The following TRIM71 variants were observed in gnomAD, a reference collection of about 807,000 sequenced individuals.
The protein encoded by TRIM71 is E3 ubiquitin-protein ligase TRIM71.
TRIM71 carries 9 observed loss-of-function variants against 61.2 expected under a neutral mutation model. The ratio of observed to expected loss-of-function variants is 0.15; its 90% CI spans 0.09 to 0.26. The LOEUF (loss-of-function observed/expected upper bound fraction) is 0.26, where lower values mean the gene tolerates loss of function less well. TRIM71 is among the 10% of genes least tolerant of loss of function. TRIM71 has a pLI of 1.00. For missense variants in TRIM71, 998 were observed against 1,238.7 expected, an observed-to-expected ratio of 0.81 and a Z score of 2.92; for synonymous variants, 645 against 553.2, an observed-to-expected ratio of 1.17 and a Z score of -2.33.
chr3:32,867,015 T>TG (rs1041364447), intron 1 of TRIM71, among the ~76,000 whole-genome samples: 1 of 152,202 alleles, frequency 6.6e-6, no homozygotes, highest in African/African-American at 2.4e-5. Context: ...TACCAGCAGT[T>TG]GCGATGAGTT....
intron 1 of TRIM71, among the ~76,000 whole-genome samples, chr3:32,827,753 T>G (rs1696221144): frequency 6.6e-6 from 1 of 152,204 alleles, no homozygotes; most frequent in African/African-American, 2.4e-5. Flanking sequence ...GGCCCTTGAA[T>G]GGACCTTGGA....
At chr3:32,845,941 G>A (rs553354651) in intron 1 of TRIM71, among the ~76,000 whole-genome samples, 12 of 151,914 alleles carry the variant, frequency 7.9e-5, no homozygotes, top group African/African-American at 2.2e-4. Flanking sequence ...GGCTGGTCTC[G>A]ATCTCCTGAC....
intron 1 of TRIM71, among the ~76,000 whole-genome samples, chr3:32,852,797 T>G (rs1247136834): frequency 1.3e-5 from 2 of 151,722 alleles, no homozygotes; most frequent in African/African-American, 4.8e-5. Context: ...TTATCTGGTA[T>G]TTAGTATAAG....
chr3:32,880,765 G>T (rs1696899918), intron 2 of TRIM71, among the ~76,000 whole-genome samples: 1 of 152,048 alleles, frequency 6.6e-6, no homozygotes, highest in Non-Finnish European at 1.5e-5. Context: ...TGACATTTTG[G>T]TCATGTATGT....
At chr3:32,877,441 C>T (rs925137967) in intron 2 of TRIM71, among the ~76,000 whole-genome samples, 2 of 151,876 alleles carry the variant, frequency 1.3e-5, no homozygotes, top group African/African-American at 4.8e-5. Flanking sequence ...TCTCAAACTC[C>T]TGGGCTTTTA....
chr3:32,826,437 CACAA>C (rs375102314), intron 1 of TRIM71, among the ~76,000 whole-genome samples: 64 of 152,254 alleles, frequency 4.2e-4, no homozygotes, highest in Middle Eastern at 3.4e-3. Context: ...GACTATGTCT[CACAA>C]ACAAACTCCC....
intron 1 of TRIM71, among the ~76,000 whole-genome samples, chr3:32,855,543 G>A (rs1257357952): frequency 6.6e-6 from 1 of 152,168 alleles, no homozygotes; most frequent in African/African-American, 2.4e-5. Flanking sequence ...CTCTTTTGCT[G>A]CTACATGGGG....
chr3:32,822,314 GA>G (rs1696143963), intron 1 of TRIM71, among the ~76,000 whole-genome samples: 1 of 152,088 alleles, frequency 6.6e-6, no homozygotes, highest in Non-Finnish European at 1.5e-5. Flanking sequence ...AGTCTGGTTG[GA>G]AAAAGGGGTG....
chr3:32,828,059 GA>G (rs1223390510), intron 1 of TRIM71, among the ~76,000 whole-genome samples: 2 of 152,116 alleles, frequency 1.3e-5, no homozygotes, highest in African/African-American at 4.8e-5. Flanking sequence ...TGGTGTTTTA[GA>G]AATGAGAATT....
intron 2 of TRIM71, among the ~76,000 whole-genome samples, chr3:32,874,975 C>T (rs1424222342): frequency 6.6e-6 from 1 of 152,098 alleles, no homozygotes; most frequent in South Asian, 2.1e-4. Flanking sequence ...CGCCCGCTGC[C>T]ATTCCCAGCT....
chr3:32,859,250 G>A (rs926741293), intron 1 of TRIM71, among the ~76,000 whole-genome samples: 8 of 152,198 alleles, frequency 5.3e-5, no homozygotes, highest in Non-Finnish European at 8.8e-5. Flanking sequence ...GAGTGGTACC[G>A]CGATTTTAGG....
Position 32,891,249 on chromosome 3 carries a change from T to A in TRIM71, c.2045T>A (p.Phe682Tyr), listed in dbSNP as rs1345233826. Reference sequence around the variant, plus strand: ...AATCATCGCATCCAGATCTTCACGTTCGAGGGCCAGTTCCTCCTCAAGTTT... The same window carrying A: ...AATCATCGCATCCAGATCTTCACGTACGAGGGCCAGTTCCTCCTCAAGTTT... Reference protein sequence around the residue: ...KDNHRIQIFTFEGQFLLKFGE... With the variant: ...KDNHRIQIFTYEGQFLLKFGE... Residue 682 changes from phenylalanine to tyrosine, a missense_variant, in exon 4 of 4, where the codon TTC becomes TAC. Coordinates refer to ENST00000383763, the MANE Select transcript of TRIM71 (RefSeq NM_001039111.3). This position sits in a 1 kb window ranked among gnomAD's most constrained non-coding sequence, Gnocchi z 8.2. 1.2e-6 allele frequency: 2 copies of A among 1,613,388 alleles called. No homozygotes were observed. The highest frequency in any genetic ancestry group is 1.7e-6 in the Non-Finnish European group (2 of 1,179,626).
chr3:32,891,112 C>T lies in TRIM71; in HGVS notation c.1908C>T (p.Cys636=), dbSNP rs375765372. 4.5e-5 allele frequency: 72 copies of T among 1,611,434 alleles called. 1 individual carries two copies. The South Asian group carries it at 4.6e-4, about 10-fold the overall frequency. The change falls in exon 4 of 4, where the codon TGC becomes TGT. Residue 636 remains cysteine (C), a synonymous_variant. Transcript: ENST00000383763. This position sits in a 1 kb window ranked among gnomAD's most constrained non-coding sequence, Gnocchi z 8.2. ...SNNRIQVFKP[C]GAFHHKFGTL... is the part of the protein sequence containing the mutation. ...ACCGCATCCAGGTGTTCAAGCCCTG[C>T]GGCGCCTTCCACCACAAATTCGGCA...
At chr3:32,841,043 G>A (rs997344961) in intron 1 of TRIM71, among the ~76,000 whole-genome samples, 9 of 151,118 alleles carry the variant, frequency 6.0e-5, no homozygotes, top group African/African-American at 1.9e-4. Context: ...TCAGGAGATC[G>A]AGACCATCCT....
intron 3 of TRIM71, among the ~76,000 whole-genome samples, chr3:32,887,239 A>T (rs1696971409): frequency 6.6e-6 from 1 of 152,094 alleles, no homozygotes; most frequent in Non-Finnish European, 1.5e-5. Context: ...CCCTCCTGTG[A>T]GGCTGACCCA....
At chr3:32,844,504 C>T (rs527499812) in intron 1 of TRIM71, among the ~76,000 whole-genome samples, 3 of 152,282 alleles carry the variant, frequency 2.0e-5, no homozygotes, top group South Asian at 2.1e-4. Context: ...TCAAGCAATC[C>T]TTCTGCCTCA....
In TRIM71 at chr3:32,879,696, A is replaced by T. The variant is rs181215350; in HGVS notation, c.1020+5711A>T. Among the ~76,000 whole-genome samples, 60 of 149,464 alleles carry T rather than the reference A, an allele frequency of 4.0e-4. 1 individual carries two copies. The highest frequency in any genetic ancestry group is 3.6e-3 in the Admixed American group (54 of 14,950). ...TTAAAAAAAAAAAAAAAACTGGCTG[A>T]GTACTGTAGCTCAAAACTGTAACAT... is the stretch of plus-strand genomic sequence containing the variant. On this transcript the variant is annotated intron_variant, in intron 2 of 3. Coordinates refer to ENST00000383763, the MANE Select transcript of TRIM71 (RefSeq NM_001039111.3).
At position 32,872,300 on chromosome 3, in the gene TRIM71, A is replaced by G. The variant is rs1405150181; in HGVS notation, c.853-1518A>G. Among the ~76,000 whole-genome samples the G allele has an allele frequency of 2.6e-5, 4 of 152,306 alleles. No homozygotes were observed. In the East Asian group the frequency reaches 7.7e-4, roughly 29 times the overall value. On this transcript the variant is annotated intron_variant, in intron 1 of 3. Transcript: ENST00000383763. ...CTAGAGAACCAGTTTAACCCATCCTAGATTACACACTTCCCTATTAACTCA... is the reference window on the plus strand; with the variant it reads ...CTAGAGAACCAGTTTAACCCATCCTGGATTACACACTTCCCTATTAACTCA...
chr3:32,821,438 C>T (rs1203891080), intron 1 of TRIM71, among the ~76,000 whole-genome samples: 1 of 151,586 alleles, frequency 6.6e-6, no homozygotes, highest in East Asian at 1.9e-4. Flanking sequence ...CAGGGTCTCT[C>T]GCCCAGGGGG....
Sources: gnomAD v4.1 joint callset for allele counts (sites outside exome capture counted in the v4.1 genomes callset) on GRCh38, gnomAD v4.1.1 for gene constraint, Gnocchi (gnomAD v3.1) non-coding constraint, MANE v1.5 for transcripts, NCBI Gene and HGNC (gene_info 2026-07-23, HGNC 2026-07-21) for gene names.